CA5A: variants seen among roughly 807,000 people sequenced by gnomAD.
The protein encoded by CA5A is carbonic anhydrase 5A, mitochondrial.
A neutral mutation model predicts 37.1 loss-of-function variants in CA5A; 28 were observed. The observed-to-expected ratio is 0.75, with a 90% CI of 0.56 to 1.03. The LOEUF is 1.03. Among genes scored for constraint, CA5A ranks in the 50% least tolerant of loss-of-function variants. CA5A has a pLI of 0.00. For synonymous variants in CA5A, 171 were observed against 158.4 expected (o/e 1.08, Z -0.60); for missense variants, 444 against 399.9 (o/e 1.11, Z -0.94).
rs189593041 is a variant in CA5A at position 87,920,599 on chromosome 16, T to C, written c.340+6149A>G. The stretch of plus-strand genomic sequence containing the variant: ...CACTGGGATTACAGGCGTGAGCTAC[T>C]GCGCCTGGCCAATTTAGTCACTTAT... On this transcript the variant is annotated intron_variant, in intron 2 of 6. Coordinates refer to ENST00000649794, the MANE Select transcript of CA5A (RefSeq NM_001739.2). 6.9e-3 allele frequency among the ~76,000 whole-genome samples: 1,042 copies of C among 151,990 alleles called. 10 individuals are homozygous for C. Among genetic ancestry groups the C allele is most frequent in the African/African-American group, 0.024 (991 of 41,422 alleles).
At chr16:87,882,487 T>C (rs921292204) in intron 4 of CA5A, 14 of 152,254 alleles carry the variant, frequency 9.2e-5, no homozygotes, top group African/African-American at 2.9e-4. Flanking sequence ...TTTGTGGAAC[T>C]TGTCGCAACT....
chr16:87,905,025 T>C, intron 2 of CA5A, 121 bp from the exon 3 acceptor site: 1 of 715,098 alleles, frequency 1.4e-6, no homozygotes. Context: ...TGCTGTATGG[T>C]TGAAGTGACA....
chr16:87,893,149 T>TC, intron 5 of CA5A: 2 of 481,512 alleles, frequency 4.2e-6, no homozygotes, highest in African/African-American at 2.1e-5. Context: ...TTTCTTTCTT[T>TC]TTTTTTTCAG....
chr16:87,931,466 T>C (rs2056404144), intron 1 of CA5A, among the ~76,000 whole-genome samples: 1 of 152,224 alleles, frequency 6.6e-6, no homozygotes, highest in African/African-American at 2.4e-5. Context: ...GACACATCTG[T>C]GGGCCAAAAC....
downstream of CA5A, chr16:87,884,577 A>G (rs1221457879): frequency 6.6e-6 from 1 of 151,952 alleles, no homozygotes; most frequent in Non-Finnish European, 1.5e-5. Flanking sequence ...CAAAAAAAAA[A>G]AAAAAAATTC....
At chr16:87,908,876 C>G (rs1041000418) in intron 2 of CA5A, among the ~76,000 whole-genome samples, 59 of 152,114 alleles carry the variant, frequency 3.9e-4, no homozygotes, top group African/African-American at 1.4e-3. Flanking sequence ...AATGCGGTGG[C>G]GTGATCTCAG....
chr16:87,934,404 A>G (rs1243326255), intron 1 of CA5A, among the ~76,000 whole-genome samples: 1 of 152,174 alleles, frequency 6.6e-6, no homozygotes, highest in Non-Finnish European at 1.5e-5. Context: ...CCCTGTATCT[A>G]CTAAAAATAC....
intron 2 of CA5A, among the ~76,000 whole-genome samples, chr16:87,908,347 T>C (rs2055995594): frequency 1.3e-5 from 2 of 152,150 alleles, no homozygotes; most frequent in Admixed American, 1.3e-4. Context: ...GCAGGAGGCA[T>C]TTTGTAAAGT....
At chr16:87,931,111 A>ATT (rs939722379) in intron 1 of CA5A, among the ~76,000 whole-genome samples, 28 of 125,952 alleles carry the variant, frequency 2.2e-4, no homozygotes, top group African/African-American at 6.0e-4. Flanking sequence ...TTGTCAAGTA[A>ATT]TTTTTTTTTT....
chr16:87,900,717 G>A (rs1379450505), intron 5 of CA5A, among the ~76,000 whole-genome samples: 4 of 152,272 alleles, frequency 2.6e-5, no homozygotes, highest in Non-Finnish European at 4.4e-5. Flanking sequence ...GCGGAGAGCT[G>A]CGGTTTGGGC....
At chr16:87,908,314 C>T (rs544131539) in intron 2 of CA5A, among the ~76,000 whole-genome samples, 18 of 152,234 alleles carry the variant, frequency 1.2e-4, no homozygotes, top group Admixed American at 4.6e-4. Flanking sequence ...ATGAGAAGGG[C>T]GGGCAGGATA....
At chr16:87,916,642 C>T (rs1222433325) in intron 2 of CA5A, among the ~76,000 whole-genome samples, 2 of 152,114 alleles carry the variant, frequency 1.3e-5, no homozygotes, top group Non-Finnish European at 2.9e-5. Flanking sequence ...TAGAGAAGTA[C>T]CTATTTATTA....
intron 1 of CA5A, among the ~76,000 whole-genome samples, chr16:87,933,122 TCACA>T (rs1226436876): frequency 1.3e-5 from 2 of 152,092 alleles, no homozygotes; most frequent in Admixed American, 6.5e-5. Flanking sequence ...GCAAGAAGAC[TCACA>T]CACACCTGAG....
At chr16:87,906,889 A>G (rs1178618404) in intron 2 of CA5A, among the ~76,000 whole-genome samples, 1 of 152,180 alleles carries the variant, frequency 6.6e-6, no homozygotes, top group African/African-American at 2.4e-5. Context: ...TTAAAAATAC[A>G]CAGAAAGAGT....
chr16:87,926,762 G>T lies in CA5A; in HGVS notation c.326C>A (p.Ala109Asp). 1 of 1,613,430 alleles carries T rather than the reference G, an allele frequency of 6.2e-7. No homozygotes were observed. The highest frequency in any genetic ancestry group is 8.5e-7 in the Non-Finnish European group (1 of 1,179,548). ...GYLFQVEFDD[A>D]TEASGISGGP... is the part of the protein sequence containing the mutation. ...CTGGCACTCACCTGATGCCTCGGTG[G>T]CATCGTCAAATTCCACCTGGAAGAG... Residue 109 changes from alanine (A) to aspartate (D), a missense_variant, in exon 2 of 7, where the codon GCC becomes GAC. By Grantham distance (126) the Ala-to-Asp change is moderately radical. Coordinates refer to ENST00000649794, the MANE Select transcript of CA5A (RefSeq NM_001739.2).
chr16:87,894,598 G>A (rs1361394480), intron 5 of CA5A, among the ~76,000 whole-genome samples: 1 of 151,946 alleles, frequency 6.6e-6, no homozygotes, highest in South Asian at 2.1e-4. Context: ...AGCATTATAG[G>A]CTGGGCACAG....
At chr16:87,886,606 C>G (rs1238254350), downstream of CA5A, 1 of 152,150 alleles carries the variant, frequency 6.6e-6, no homozygotes, top group Non-Finnish European at 1.5e-5. Context: ...AATCCCAGCA[C>G]TTTGGGAGGT....
In CA5A at chr16:87,911,769, C is replaced by T. The variant is rs1472682513; in HGVS notation, c.341-6865G>A. On this transcript the variant is annotated intron_variant, in intron 2 of 6. Transcript: ENST00000649794. This position sits in a 1 kb window ranked among gnomAD's most constrained non-coding sequence, Gnocchi z 4.6. ...TATTGGCACTGGTTTGAAAGCCAGGCAAATGTGGGCTCCAATCCTGGCTTC... is the reference window on the plus strand; with the variant it reads ...TATTGGCACTGGTTTGAAAGCCAGGTAAATGTGGGCTCCAATCCTGGCTTC... Among the ~76,000 whole-genome samples, 1 of 152,176 alleles carries T rather than the reference C, an allele frequency of 6.6e-6. No individual in the cohort carries two copies. The highest frequency in any genetic ancestry group is 2.4e-5 in the African/African-American group (1 of 41,444).
intron 2 of CA5A, among the ~76,000 whole-genome samples, chr16:87,913,645 G>A (rs1448696697): frequency 6.9e-6 from 1 of 145,514 alleles, no homozygotes; most frequent in South Asian, 2.1e-4. Flanking sequence ...CTGAGTGTCT[G>A]TGCCGTGGCC....
Sources: gnomAD v4.1 joint callset for allele counts (sites outside exome capture counted in the v4.1 genomes callset) on GRCh38, gnomAD v4.1.1 for gene constraint, Gnocchi (gnomAD v3.1) non-coding constraint, MANE v1.5 for transcripts, NCBI Gene and HGNC (gene_info 2026-07-23, HGNC 2026-07-21) for gene names.